The following RORA variants were observed in gnomAD, a reference collection of about 807,000 sequenced individuals.
RORA encodes nuclear receptor ROR-alpha.
RORA carries 7 observed loss-of-function variants against 69.5 expected under a neutral mutation model. That is an observed-to-expected ratio of 0.10 (90% CI 0.06 to 0.19). The LOEUF is 0.19. Ranked by LOEUF, RORA falls within the 10% of genes least tolerant of loss-of-function variation. The pLI is 1.00. For missense variants in RORA, 457 were observed against 663.0 expected (o/e 0.69, Z 3.41); for synonymous variants, 261 against 240.8 (o/e 1.08, Z -0.78).
At chr15:61,211,249 C>T (rs909576539) in intron 1 of RORA, among the ~76,000 whole-genome samples, 1 of 146,986 alleles carries the variant, frequency 6.8e-6, no homozygotes, top group African/African-American at 2.5e-5. Context: ...GAAGGGCTTT[C>T]TGCAAAGTTA....
At chr15:61,181,164 G>C (rs1434300880) in intron 1 of RORA, 3 of 149,458 alleles carry the variant, frequency 2.0e-5, no homozygotes, top group Non-Finnish European at 4.4e-5. Context: ...ACTAGTATTA[G>C]AATTAAGTAA....
intron 1 of RORA, among the ~76,000 whole-genome samples, chr15:61,028,392 C>T (rs796109123): frequency 1.3e-5 from 2 of 152,226 alleles, no homozygotes; most frequent in African/African-American, 4.8e-5. Flanking sequence ...CTGCCAGAAA[C>T]AATCTGGTTT....
At chr15:60,539,839 A>G (rs977689201) in intron 2 of RORA, among the ~76,000 whole-genome samples, 4 of 152,108 alleles carry the variant, frequency 2.6e-5, no homozygotes, top group Non-Finnish European at 4.4e-5. Context: ...GTAATTGGCT[A>G]TTTAACCAAT....
chr15:61,006,724 G>C (rs1894922699), intron 1 of RORA, among the ~76,000 whole-genome samples: 1 of 152,036 alleles, frequency 6.6e-6, no homozygotes, highest in South Asian at 2.1e-4. Context: ...TACAATCAAA[G>C]GGAAATACAT....
At chr15:60,628,362 A>C (rs1165721758) in intron 2 of RORA, among the ~76,000 whole-genome samples, 1 of 151,962 alleles carries the variant, frequency 6.6e-6, no homozygotes, top group Non-Finnish European at 1.5e-5. Context: ...GGGTTTGTTT[A>C]TTTTATGTAT....
At chr15:60,653,552 C>T (rs2070177672) in intron 2 of RORA, among the ~76,000 whole-genome samples, 1 of 152,184 alleles carries the variant, frequency 6.6e-6, no homozygotes. Context: ...GAAGCACATA[C>T]TTATACCAAC....
intron 1 of RORA, among the ~76,000 whole-genome samples, chr15:60,831,757 G>A (rs2073045094): frequency 6.6e-6 from 1 of 152,182 alleles, no homozygotes; most frequent in Admixed American, 6.5e-5. Context: ...ATGCACCTTA[G>A]TGTCTGTGTC....
rs1417860723 is a variant in RORA at position 60,615,133 on chromosome 15, A to G, written c.196+63524T>C. 6 of 1,412,642 alleles carry G rather than the reference A, an allele frequency of 4.2e-6. No individual in the cohort carries two copies. The Admixed American group carries it at 1.2e-4, about 28-fold the overall frequency. The allele number at this position is 1,412,642 out of a possible 1,614,324, so 87.5% of individuals were successfully genotyped here. ...ACTATCCACAGCCACCCAAGTCCTA[A>G]TGCTCTCTCGTGTTTCCTCATCTTA... On this transcript the variant is annotated intron_variant, in intron 2 of 10. Coordinates refer to ENST00000335670, the MANE Select transcript of RORA (RefSeq NM_134261.3).
chr15:60,607,909 GTGA>G (rs1287262351), intron 2 of RORA, among the ~76,000 whole-genome samples: 1 of 152,384 alleles, frequency 6.6e-6, no homozygotes, highest in East Asian at 1.9e-4. Flanking sequence ...TGCAGGTGAA[GTGA>G]CAGGTTTCTA....
chr15:60,633,651 TG>T (rs1354386833), intron 2 of RORA, among the ~76,000 whole-genome samples: 2 of 152,152 alleles, frequency 1.3e-5, no homozygotes, highest in Non-Finnish European at 2.9e-5. Flanking sequence ...AAAAGGCAGG[TG>T]TAGTTGGTAG....
intron 2 of RORA, among the ~76,000 whole-genome samples, chr15:60,643,966 A>C (rs1299623792): frequency 1.3e-5 from 2 of 152,170 alleles, no homozygotes; most frequent in East Asian, 3.9e-4. Flanking sequence ...ATTAGTAACC[A>C]AAGTGACTTT....
intron 1 of RORA, among the ~76,000 whole-genome samples, chr15:61,075,800 C>G (rs547673725): frequency 6.6e-6 from 1 of 152,284 alleles, no homozygotes; most frequent in South Asian, 2.1e-4. Context: ...GAATTAGTGC[C>G]CTTCCCTGCT....
chr15:60,847,462 C>A (rs1307993596), intron 1 of RORA, among the ~76,000 whole-genome samples: 1 of 152,080 alleles, frequency 6.6e-6, no homozygotes, highest in African/African-American at 2.4e-5. Flanking sequence ...ATGGGAGTGA[C>A]AGGTGGCCCA....
At position 61,108,402 on chromosome 15, in the gene RORA, G is replaced by A. The variant is rs370733865; in HGVS notation, c.166+120651C>T. Among the ~76,000 whole-genome samples the A allele has an allele frequency of 5.9e-5, 9 of 152,140 alleles. No homozygotes were observed. In the South Asian group the frequency reaches 1.0e-3, roughly 18 times the overall value. ...GCTAACAGAATTTTTACTTTCTTCC[G>A]GAACAGAGGTTGGCAAACTGACCTG... On this transcript the variant is annotated intron_variant, in intron 1 of 10. Coordinates refer to ENST00000335670, the MANE Select transcript of RORA (RefSeq NM_134261.3).
chr15:61,142,284 T>A (rs16943687), intron 1 of RORA, among the ~76,000 whole-genome samples: 1,635 of 152,274 alleles, frequency 0.011, 39 homozygotes, highest in African/African-American at 0.037. Flanking sequence ...CTGGCATCTC[T>A]CAATTCCTCA....
Position 60,495,802 on chromosome 15 carries a change from A to G in RORA, c.*1653T>C, listed in dbSNP as rs971115093. ...TTCCCAAAAGGTCACTTGTTTTTAA[A>G]ATATGCACATCTGTTTATCAGACTA... On this transcript the variant is annotated 3_prime_UTR_variant, in exon 11 of 11. Transcript: ENST00000335670. 17 of 152,160 alleles carry G rather than the reference A, an allele frequency of 1.1e-4. No individual in the cohort carries two copies. Among genetic ancestry groups the G allele is most frequent in the African/African-American group, 4.1e-4 (17 of 41,436 alleles). The allele number at this position is 152,160 out of a possible 1,614,324, so 9.4% of individuals were successfully genotyped here. A position where few individuals can be genotyped will look rare whatever the true frequency, so the allele number is the denominator to read the frequency against.
chr15:60,772,700 G>T (rs929930436), intron 1 of RORA, among the ~76,000 whole-genome samples: 2 of 152,160 alleles, frequency 1.3e-5, no homozygotes, highest in Admixed American at 1.3e-4. Flanking sequence ...GAGCGTTCAT[G>T]AATGGCAAGG....
intron 1 of RORA, among the ~76,000 whole-genome samples, chr15:60,856,772 C>T (rs1422321935): frequency 2.0e-5 from 3 of 152,168 alleles, no homozygotes; most frequent in Admixed American, 6.6e-5. Flanking sequence ...AGAGTTTTAG[C>T]TGACATTTCA....
chr15:61,177,255 CA>C (rs1345662281), intron 1 of RORA, among the ~76,000 whole-genome samples: 1 of 152,150 alleles, frequency 6.6e-6, no homozygotes, highest in African/African-American at 2.4e-5. Context: ...AAAGGCACTT[CA>C]AGGAAAATGC....
Sources: gnomAD v4.1 joint callset for allele counts (sites outside exome capture counted in the v4.1 genomes callset) on GRCh38, gnomAD v4.1.1 for gene constraint, MANE v1.5 for transcripts, NCBI Gene and HGNC (gene_info 2026-07-23, HGNC 2026-07-21) for gene names.